NEK1: variants seen among roughly 807,000 people sequenced by gnomAD.
The protein encoded by NEK1 is NIMA related kinase 1.
Under a neutral mutation model 182.1 loss-of-function variants are expected in NEK1, and 137 were observed. The observed-to-expected ratio is 0.75, with a 90% confidence interval of 0.65 to 0.87. The LOEUF (loss-of-function observed/expected upper bound fraction) is 0.87. NEK1 is among the 40% of genes least tolerant of loss of function. The pLI is 0.00. For synonymous variants in NEK1, 513 were observed against 492.2 expected (o/e 1.04, Z -0.56); for missense variants, 1,391 against 1,494.4 (o/e 0.93, Z 1.14).
chr4:169,485,095 G>A (rs1280790030), intron 23 of NEK1, among the ~76,000 whole-genome samples: 1 of 152,176 alleles, frequency 6.6e-6, no homozygotes, highest in African/African-American at 2.4e-5. Flanking sequence ...TAAAATTTGA[G>A]CATTGTGAGA....
intron 18 of NEK1, among the ~76,000 whole-genome samples, chr4:169,545,323 G>A (rs956506119): frequency 7.9e-5 from 12 of 151,420 alleles, no homozygotes; most frequent in Admixed American, 4.0e-4. Flanking sequence ...TTGTTCTTGC[G>A]ATAGTTTACT....
intron 26 of NEK1, among the ~76,000 whole-genome samples, chr4:169,465,591 A>G (rs1259575373): frequency 6.6e-6 from 1 of 152,116 alleles, no homozygotes; most frequent in Admixed American, 6.6e-5. Context: ...AGAAAAGACC[A>G]CTCAAAAGAA....
At chr4:169,397,159 G>A (rs1730866004) in intron 35 of NEK1, among the ~76,000 whole-genome samples, 1 of 152,010 alleles carries the variant, frequency 6.6e-6, no homozygotes, top group South Asian at 2.1e-4. Context: ...AGGAGGCGGA[G>A]GTTGCAGTGA....
chr4:169,480,051 T>C (rs1376006003), intron 23 of NEK1, among the ~76,000 whole-genome samples: 1 of 152,170 alleles, frequency 6.6e-6, no homozygotes, highest in East Asian at 1.9e-4. Context: ...TGCTTGTTTT[T>C]ATGTTGCCAT....
chr4:169,588,670 TTTTCACAGA>T lies in NEK1; in HGVS notation c.521_529del (p.Ile174_Glu176del). The stretch of plus-strand genomic sequence containing the variant: ...ATACCTTTTATTATTGTAAGGTTTG[TTTTCACAGA>T]TTTCAGGTGACAAGTAGTATGGGGT... On this transcript the variant is annotated inframe_deletion, in exon 8 of 36. Transcript: ENST00000507142. 6.5e-7 allele frequency: 1 copy of T among 1,547,334 alleles called. No homozygotes were observed. Among genetic ancestry groups the T allele is most frequent in the Non-Finnish European group, 8.7e-7 (1 of 1,143,066 alleles).
intron 27 of NEK1, among the ~76,000 whole-genome samples, chr4:169,438,732 T>TAAA (rs1178953365): frequency 3.9e-5 from 6 of 152,206 alleles, no homozygotes; most frequent in African/African-American, 1.2e-4. Context: ...ATTAATCCGT[T>TAAA]GAAGATTTTA....
intron 31 of NEK1, among the ~76,000 whole-genome samples, chr4:169,416,592 G>A (rs1734578615): frequency 6.6e-6 from 1 of 152,166 alleles, no homozygotes; most frequent in African/African-American, 2.4e-5. Flanking sequence ...TGTTATCAGA[G>A]GTACTCAAAG....
chr4:169,583,229 T>C (rs1388055649), intron 10 of NEK1, among the ~76,000 whole-genome samples: 1 of 146,564 alleles, frequency 6.8e-6, no homozygotes, highest in East Asian at 2.1e-4. Context: ...ACTGCACCAC[T>C]GCACTCTAGC....
chr4:169,519,832 G>T (rs1276813080), intron 19 of NEK1, among the ~76,000 whole-genome samples: 2 of 65,034 alleles, frequency 3.1e-5, no homozygotes, highest in South Asian at 9.9e-4. Flanking sequence ...TTGAATATTG[G>T]CCCCCACTCT....
intron 26 of NEK1, among the ~76,000 whole-genome samples, chr4:169,467,536 G>A (rs1745152259): frequency 6.6e-6 from 1 of 151,910 alleles, no homozygotes; most frequent in South Asian, 2.1e-4. Context: ...ATGCAAAACA[G>A]GAGGAAAAAG....
At chr4:169,489,238 G>A (rs547211919) in intron 23 of NEK1, among the ~76,000 whole-genome samples, 2 of 152,142 alleles carry the variant, frequency 1.3e-5, no homozygotes, top group South Asian at 2.1e-4. Context: ...AGATTCTTTG[G>A]TTGAAGGCAA....
intron 26 of NEK1, among the ~76,000 whole-genome samples, chr4:169,466,999 C>A (rs1745054389): frequency 6.6e-6 from 1 of 152,016 alleles, no homozygotes; most frequent in African/African-American, 2.4e-5. Context: ...CCAAGACCAA[C>A]CCCCCAACTT....
At chr4:169,569,230 C>A (rs1429154245) in intron 12 of NEK1, among the ~76,000 whole-genome samples, 1 of 151,964 alleles carries the variant, frequency 6.6e-6, no homozygotes, top group Admixed American at 6.6e-5. Flanking sequence ...TGTTCTAGAG[C>A]TTCCTTTTCA....
At position 169,445,849 on chromosome 4, in the gene NEK1, C is replaced by CATATATATAT. The variant is rs70964204; in HGVS notation, c.2588-7600_2588-7591dup. On this transcript the variant is annotated intron_variant, in intron 27 of 35. Coordinates refer to ENST00000507142, the MANE Select transcript of NEK1 (RefSeq NM_001199397.3). ...AAACTTAAAACAAAACAACTATATACATATATATATATATATACACACACA... is the reference window on the plus strand; with the variant it reads ...AAACTTAAAACAAAACAACTATATACATATATATATATATATATATATATATACACACACA... 9.8e-3 allele frequency among the ~76,000 whole-genome samples: 1,370 copies of CATATATATAT among 140,162 alleles called. 44 individuals carry two copies. The highest frequency in any genetic ancestry group is 0.037 in the African/African-American group (1,279 of 34,340). The allele number at this position is 140,162 out of a possible 152,430, so 92.0% of individuals were successfully genotyped here. A position where few individuals can be genotyped will look rare whatever the true frequency, so the allele number is the denominator to read the frequency against.
Position 169,477,205 on chromosome 4 carries a change from G to C in NEK1, c.2353C>G (p.Arg785Gly). ...HEKEKSVSSD[R>G]KKWEAGGQLV... ...TGACCTCCTGCCTCCCACTTCTTGC[G>C]ATCAGATGAAACTGATTTTTCTTTT... Residue 785 changes from arginine (R) to glycine (G), a missense_variant, in exon 26 of 36, where the codon CGC becomes GGC. By Grantham distance (125) the Arg-to-Gly change is moderately radical (BLOSUM62 -2). Around this residue, in one of 5 missense-constraint regions of NEK1, gnomAD observed 1,216 missense variants for 1,277.6 expected, o/e 0.95. Transcript: ENST00000507142. 1.2e-6 allele frequency: 2 copies of C among 1,607,546 alleles called. No individual in the cohort carries two copies. Among genetic ancestry groups the C allele is most frequent in the Non-Finnish European group, 1.7e-6 (2 of 1,176,630 alleles).
At position 169,449,264 on chromosome 4, in the gene NEK1, G is replaced by C. The variant is rs531800900; in HGVS notation, c.2588-11005C>G. On this transcript the variant is annotated intron_variant, in intron 27 of 35. Transcript: ENST00000507142. ...CAAAAGGCAGCAGACAATTTCTGCAGACTTAAACGACCCTGTCTAACAGCT... is the reference window on the plus strand; with the variant it reads ...CAAAAGGCAGCAGACAATTTCTGCACACTTAAACGACCCTGTCTAACAGCT... Among the ~76,000 whole-genome samples, 122 of 152,340 alleles carry C rather than the reference G, an allele frequency of 8.0e-4. 1 individual carries two copies. Among genetic ancestry groups the C allele is most frequent in the African/African-American group, 2.7e-3 (112 of 41,580 alleles).
intron 12 of NEK1, among the ~76,000 whole-genome samples, chr4:169,567,778 TGTC>T (rs1763960749): frequency 1.3e-5 from 2 of 152,224 alleles, no homozygotes; most frequent in South Asian, 4.1e-4. Flanking sequence ...AGACCATACT[TGTC>T]TGCCTGATGA....
At position 169,479,499 on chromosome 4, in the gene NEK1, A is replaced by T. The variant is rs1039928580; in HGVS notation, c.2043T>A (p.Ser681=). The change falls in exon 24 of 36, where the codon TCT becomes TCA. Residue 681 remains serine, a synonymous_variant. Transcript: ENST00000507142. The part of the protein sequence containing the change: ...VAKGVKSSDV[S]PPLGQHETGG... The stretch of plus-strand genomic sequence containing the variant: ...CTGTTTCATGCTGTCCCAAAGGTGG[A>T]GAAACATCAGAACTCTTAACTCCTT... 1 of 1,610,714 alleles carries T rather than the reference A, an allele frequency of 6.2e-7. No individual in the cohort carries two copies. The highest frequency in any genetic ancestry group is 8.5e-7 in the Non-Finnish European group (1 of 1,178,684).
At chr4:169,514,320 T>C (rs1459643893) in intron 19 of NEK1, among the ~76,000 whole-genome samples, 2 of 152,184 alleles carry the variant, frequency 1.3e-5, no homozygotes, top group African/African-American at 4.8e-5. Flanking sequence ...TCAAAGATAC[T>C]GGTCTGTAGT....
Sources: allele counts gnomAD v4.1 joint callset (sites outside exome capture counted in the v4.1 genomes callset), GRCh38; gene constraint gnomAD v4.1.1; regional missense constraint gnomAD v4.1.1; transcripts MANE v1.5; gene names NCBI Gene and HGNC (gene_info 2026-07-23, HGNC 2026-07-21).